GPC5: variants seen among roughly 807,000 people sequenced by gnomAD.
The protein encoded by GPC5 is glypican-5.
A neutral mutation model predicts 53.9 loss-of-function variants in GPC5; 47 were observed. That is an observed-to-expected ratio of 0.87 (90% CI 0.69 to 1.11). The LOEUF is 1.11. GPC5 is among the 50% of genes most tolerant of loss of function. GPC5 has a pLI of 0.00. For missense variants in GPC5, 748 were observed against 713.1 expected (o/e 1.05, Z -0.56); for synonymous variants, 286 against 263.3 (o/e 1.09, Z -0.84).
At chr13:91,621,379 C>T (rs955660647) in intron 2 of GPC5, among the ~76,000 whole-genome samples, 1 of 152,078 alleles carries the variant, frequency 6.6e-6, no homozygotes, top group Non-Finnish European at 1.5e-5. Context: ...TTAACCTCGA[C>T]ACTAGATGAT....
chr13:91,690,452 T>G (rs1408775150), intron 2 of GPC5, among the ~76,000 whole-genome samples: 1 of 152,138 alleles, frequency 6.6e-6, no homozygotes. Context: ...ATTAGTTTGT[T>G]GCTAATAATA....
At chr13:92,760,829 A>G (rs2138736706) in intron 7 of GPC5, among the ~76,000 whole-genome samples, 1 of 152,080 alleles carries the variant, frequency 6.6e-6, no homozygotes, top group Admixed American at 6.5e-5. Flanking sequence ...TGTATCCCAT[A>G]GGTTTTGATT....
chr13:91,543,201 C>T (rs2030063953), intron 2 of GPC5, among the ~76,000 whole-genome samples: 1 of 152,034 alleles, frequency 6.6e-6, no homozygotes, highest in African/African-American at 2.4e-5. Context: ...CCATGTTGGT[C>T]AGACTGGTCT....
intron 7 of GPC5, among the ~76,000 whole-genome samples, chr13:92,274,225 T>G (rs984976094): frequency 2.6e-5 from 4 of 152,192 alleles, no homozygotes; most frequent in Non-Finnish European, 4.4e-5. Flanking sequence ...TGGCTATTCA[T>G]GACCCTGGTC....
intron 1 of GPC5, among the ~76,000 whole-genome samples, chr13:91,409,388 A>G (rs924688843): frequency 2.0e-5 from 3 of 152,256 alleles, no homozygotes; most frequent in African/African-American, 7.2e-5. Flanking sequence ...TTGTTAGGTG[A>G]AGCTATGTGG....
At chr13:92,229,183 G>A (rs1230753651) in intron 7 of GPC5, among the ~76,000 whole-genome samples, 1 of 152,022 alleles carries the variant, frequency 6.6e-6, no homozygotes, top group African/African-American at 2.4e-5. Context: ...GTTAAGTGGG[G>A]AAGTGAGGTA....
At chr13:92,033,709 C>T (rs1252415551) in intron 6 of GPC5, among the ~76,000 whole-genome samples, 1 of 152,122 alleles carries the variant, frequency 6.6e-6, no homozygotes, top group Non-Finnish European at 1.5e-5. Flanking sequence ...ATATGGGATG[C>T]TTTTAACTGC....
intron 7 of GPC5, among the ~76,000 whole-genome samples, chr13:92,499,227 A>T (rs1880096259): frequency 6.6e-6 from 1 of 152,166 alleles, no homozygotes; most frequent in Non-Finnish European, 1.5e-5. Flanking sequence ...GGTTCAAACA[A>T]TAGGAAATCT....
At chr13:92,552,233 G>T (rs1488427536) in intron 7 of GPC5, among the ~76,000 whole-genome samples, 1 of 151,858 alleles carries the variant, frequency 6.6e-6, no homozygotes, top group Admixed American at 6.6e-5. Flanking sequence ...AATGGGGGCA[G>T]CTTTTCCAGT....
intron 6 of GPC5, among the ~76,000 whole-genome samples, chr13:91,974,804 A>ATC: frequency 6.6e-6 from 1 of 152,140 alleles, no homozygotes; most frequent in African/African-American, 2.4e-5. Flanking sequence ...AAGAGCCCAC[A>ATC]ATGCCAAGAC....
intron 2 of GPC5, among the ~76,000 whole-genome samples, chr13:91,562,933 A>C (rs1345082312): frequency 6.6e-6 from 1 of 152,086 alleles, no homozygotes; most frequent in Non-Finnish European, 1.5e-5. Flanking sequence ...TTTTGTTAGA[A>C]ATATGTATAA....
chr13:91,911,498 G>A (rs1362420089), intron 6 of GPC5, among the ~76,000 whole-genome samples: 2 of 152,062 alleles, frequency 1.3e-5, no homozygotes, highest in Admixed American at 1.3e-4. Flanking sequence ...AGCCAAGATG[G>A]CACCACTGCA....
chr13:92,038,059 C>G (rs929153703), intron 6 of GPC5, among the ~76,000 whole-genome samples: 1 of 152,038 alleles, frequency 6.6e-6, no homozygotes, highest in African/African-American at 2.4e-5. Flanking sequence ...GGCAGTGGCA[C>G]TAAGTGTTAG....
chr13:92,866,219 G>C lies in GPC5; in HGVS notation c.1562-63G>C. Reference sequence around the variant, plus strand: ...TGTCCACACTTTGAGTTTAAGAGTTGTTCTAGACGTATTATGGTGAAGTGG... The same window carrying C: ...TGTCCACACTTTGAGTTTAAGAGTTCTTCTAGACGTATTATGGTGAAGTGG... On this transcript the variant is annotated intron_variant, in intron 7 of 7. Transcript: ENST00000377067. 9 of 1,464,396 alleles carry C rather than the reference G, an allele frequency of 6.1e-6. No homozygotes were observed. In the Middle Eastern group the frequency reaches 7.4e-4, roughly 120 times the overall value. 90.7% of individuals were successfully genotyped at this position (1,464,396 alleles called of 1,614,324 possible). A position where few individuals can be genotyped will look rare whatever the true frequency, so the allele number is the denominator to read the frequency against.
rs945455335 is a variant in GPC5 at position 91,746,943 on chromosome 13, T to C, written c.1155-9352T>C. On this transcript the variant is annotated intron_variant, in intron 4 of 7. Transcript: ENST00000377067. The stretch of plus-strand genomic sequence containing the variant: ...TGAAACCAAACCATCTCTATATCCT[T>C]CTCTATCTTTCTATGTTGGTCTGTC... Among the ~76,000 whole-genome samples the C allele has an allele frequency of 2.0e-5, 3 of 152,238 alleles. No homozygotes were observed. The South Asian group carries it at 6.2e-4, about 32-fold the overall frequency.
At chr13:91,675,528 A>T (rs536257860) in intron 2 of GPC5, among the ~76,000 whole-genome samples, 1 of 152,350 alleles carries the variant, frequency 6.6e-6, no homozygotes, top group South Asian at 2.1e-4. Context: ...GACTGTAAGT[A>T]TAGTGGGACA....
At chr13:92,718,774 G>A (rs1418810729) in intron 7 of GPC5, among the ~76,000 whole-genome samples, 2 of 152,012 alleles carry the variant, frequency 1.3e-5, no homozygotes, top group East Asian at 3.9e-4. Flanking sequence ...TCCGGAGGCT[G>A]AGGTGGGAGA....
At chr13:92,253,661 C>T (rs2042707224) in intron 7 of GPC5, among the ~76,000 whole-genome samples, 1 of 151,742 alleles carries the variant, frequency 6.6e-6, no homozygotes, top group Admixed American at 6.6e-5. Flanking sequence ...AAAGTATGTA[C>T]ATGAAGTGGA....
At chr13:92,562,296 C>A (rs1287301021) in intron 7 of GPC5, among the ~76,000 whole-genome samples, 1 of 152,008 alleles carries the variant, frequency 6.6e-6, no homozygotes, top group Non-Finnish European at 1.5e-5. Context: ...TTGTGGCATT[C>A]TCTCAATACG....
Sources: gnomAD v4.1 joint callset for allele counts (sites outside exome capture counted in the v4.1 genomes callset) on GRCh38, gnomAD v4.1.1 for gene constraint, MANE v1.5 for transcripts, NCBI Gene and HGNC (gene_info 2026-07-23, HGNC 2026-07-21) for gene names.